Variants in TBC1D9B observed in about 807,000 individuals in gnomAD.
TBC1D9B encodes TBC1 domain family, member 9B (with GRAM domain).
In TBC1D9B, 87 loss-of-function variants were observed where a neutral mutation model predicts 121.1. The ratio of observed to expected loss-of-function variants is 0.72; its 90% CI spans 0.60 to 0.86. The LOEUF (loss-of-function observed/expected upper bound fraction) is 0.86. TBC1D9B is among the 40% of genes least tolerant of loss of function. The probability of loss-of-function intolerance (pLI) is 0.00; values close to 1 mark genes in which losing one functional copy is unlikely to be tolerated. For missense variants in TBC1D9B, 1,540 were observed against 1,628.6 expected (o/e 0.95, Z 0.94); for synonymous variants, 668 against 670.1 (o/e 1.00, Z 0.05).
At chr5:179,867,652 A>C (rs1308315520) in intron 18 of TBC1D9B, 126 bp downstream of exon 18, 1 of 1,506,662 alleles carries the variant, frequency 6.6e-7, no homozygotes, top group Non-Finnish European at 9.1e-7. Flanking sequence ...TCCCCTGGGG[A>C]GAACCCCATG....
At chr5:179,881,612 G>A (rs1435310652) in intron 7 of TBC1D9B, among the ~76,000 whole-genome samples, 1 of 152,134 alleles carries the variant, frequency 6.6e-6, no homozygotes, top group Non-Finnish European at 1.5e-5. Context: ...AGCCCTCCCA[G>A]AAGTTACCTC....
At chr5:179,899,468 A>T (rs1384850392) in intron 2 of TBC1D9B, among the ~76,000 whole-genome samples, 161 bp from the exon 3 acceptor site, 2 of 152,228 alleles carry the variant, frequency 1.3e-5, no homozygotes, top group Admixed American at 1.3e-4. Context: ...ATATGTGCAT[A>T]ACAAAGTAAT....
chr5:179,904,797 G>A lies in TBC1D9B; in HGVS notation c.134C>T (p.Thr45Ile). Residue 45 changes from threonine (T) to isoleucine (I), a missense_variant, in exon 2 of 21, where the codon ACC becomes ATC. By Grantham distance (89) the Thr-to-Ile change is moderately conservative. Coordinates refer to ENST00000355235, the MANE Select transcript of TBC1D9B (RefSeq NM_015043.4). The surrounding 1 kb of genome is among the most constrained non-coding windows in gnomAD (Gnocchi z 4.2). ...ACTGGAGTCCAGCACCACGTCCAGG[G>A]TGCCCACGAGAAGACCTGGGAACAG... ...GGGLTGLLVGTLDVVLDSSAR... is the reference protein window; with the variant it reads ...GGGLTGLLVGILDVVLDSSAR... 6.4e-7 allele frequency: 1 copy of A among 1,564,230 alleles called. No homozygotes were observed. The highest frequency in any genetic ancestry group is 8.7e-7 in the Non-Finnish European group (1 of 1,154,284).
Position 179,891,418 on chromosome 5 carries a change from C to T in TBC1D9B, c.1005G>A (p.Lys335=), listed in dbSNP as rs1468664961. Residue 335 remains lysine (K), a synonymous_variant, in exon 6 of 21, where the codon AAG becomes AAA. Transcript: ENST00000355235. This position sits in a 1 kb window ranked among gnomAD's most constrained non-coding sequence, Gnocchi z 4.3. ...ISNNYICFAS[K]EEDACHLIIP... ...TGATGAGGTGGCAAGCGTCCTCCTCCTTGCTGGCGAAGCAGATGTAGTTGT... is the reference window on the plus strand; with the variant it reads ...TGATGAGGTGGCAAGCGTCCTCCTCTTTGCTGGCGAAGCAGATGTAGTTGT... 8 of 1,614,244 alleles carry T rather than the reference C, an allele frequency of 5.0e-6. No homozygotes were observed. Among genetic ancestry groups the T allele is most frequent in the Non-Finnish European group, 6.8e-6 (8 of 1,180,028 alleles).
intron 14 of TBC1D9B, 24 bp downstream of exon 14, chr5:179,872,868 G>T: frequency 9.4e-7 from 1 of 1,060,170 alleles, no homozygotes; most frequent in Non-Finnish European, 1.3e-6. Context: ...CCCAGCCCCT[G>T]CCCAGCCCTG....
chr5:179,879,013 G>A, intron 9 of TBC1D9B, 34 bp downstream of exon 9: 17 of 1,593,246 alleles, frequency 1.1e-5, no homozygotes, highest in Non-Finnish European at 1.4e-5. Flanking sequence ...CTGACTGGCT[G>A]AGCTGAGGCT....
chr5:179,873,364 G>A, intron 12 of TBC1D9B, 116 bp from the exon 13 acceptor site: 1 of 1,403,264 alleles, frequency 7.1e-7, no homozygotes, highest in South Asian at 1.5e-5. Flanking sequence ...TAAGGAGTGT[G>A]CAGAGGACTG....
chr5:179,863,990 G>A lies in TBC1D9B; in HGVS notation c.3160C>T (p.Arg1054Cys), dbSNP rs144624491. ...IGEVGKKFSA[R>C]TGRKPRDCAT... is the part of the protein sequence containing the mutation. Reference sequence around the variant, plus strand: ...CAGTCCCTGGGCTTCCTGCCTGTGCGGGCTGAGAACTTCTTCCCCACCTCT... The same window carrying A: ...CAGTCCCTGGGCTTCCTGCCTGTGCAGGCTGAGAACTTCTTCCCCACCTCT... Residue 1054 changes from arginine (R) to cysteine (C), a missense_variant, in exon 21 of 21, where the codon CGC becomes TGC. Transcript: ENST00000355235. This position sits in a 1 kb window ranked among gnomAD's most constrained non-coding sequence, Gnocchi z 4.5. The A allele has an allele frequency of 2.4e-5, 38 of 1,613,744 alleles. No homozygotes were observed. Among genetic ancestry groups the A allele is most frequent in the Admixed American group, 3.3e-5 (2 of 60,000 alleles).
In TBC1D9B at chr5:179,879,724, G is replaced by A. The variant is rs202142715; in HGVS notation, c.1320C>T (p.Arg440=). 70 of 1,614,166 alleles carry A rather than the reference G, an allele frequency of 4.3e-5. No individual in the cohort carries two copies. In the East Asian group the frequency reaches 1.6e-3, roughly 36 times the overall value. The change falls in exon 8 of 21, where the codon CGC becomes CGT. Residue 440 remains arginine (R), a synonymous_variant. Coordinates refer to ENST00000355235, the MANE Select transcript of TBC1D9B (RefSeq NM_015043.4). ...GCGCCTCCTGCGCACAGAAGCTCTG[G>A]CGGCTGCTGAGGGGAGAGGCTGGGC... is the stretch of plus-strand genomic sequence containing the variant. ...PASPASPLSS[R]QSFCAQEAPT...
At position 179,887,989 on chromosome 5, in the gene TBC1D9B, T is replaced by C. The variant is rs1459439266; in HGVS notation, c.1254+114A>G. 3.0e-6 allele frequency: 4 copies of C among 1,333,662 alleles called. No individual in the cohort carries two copies. In the African/African-American group the frequency reaches 5.8e-5, roughly 19 times the overall value. The allele number at this position is 1,333,662 out of a possible 1,614,324, so 82.6% of individuals were successfully genotyped here. ...TTGCCAGCTCTGACACATCCACCCC[T>C]AGGCGGAGGCCCACAGCCGGAACCA... On this transcript the variant is annotated intron_variant, in intron 7 of 20. Transcript: ENST00000355235.
Position 179,863,345 on chromosome 5 carries a change from AG to A in TBC1D9B, c.*102del. On this transcript the variant is annotated 3_prime_UTR_variant, in exon 21 of 21. Coordinates refer to ENST00000355235, the MANE Select transcript of TBC1D9B (RefSeq NM_015043.4). The surrounding 1 kb of genome is among the most constrained non-coding windows in gnomAD (Gnocchi z 4.5). Reference sequence around the variant, plus strand: ...AACTCACTGCTCCTGGGAGAGCAGGAGGGGCACACCTTTAAAGAGAAACTGA... The same window carrying A: ...AACTCACTGCTCCTGGGAGAGCAGGAGGGCACACCTTTAAAGAGAAACTGA... 7.5e-7 allele frequency: 1 copy of A among 1,329,152 alleles called. No individual in the cohort carries two copies. Among genetic ancestry groups the A allele is most frequent in the Non-Finnish European group, 1.0e-6 (1 of 971,186 alleles). 82.3% of individuals were successfully genotyped at this position (1,329,152 alleles called of 1,614,324 possible).
chr5:179,882,426 T>C (rs1281458173), intron 7 of TBC1D9B, among the ~76,000 whole-genome samples: 3 of 152,122 alleles, frequency 2.0e-5, no homozygotes, highest in Admixed American at 6.5e-5. Flanking sequence ...TTATCTGGAG[T>C]CTGTTCTCCA....
Position 179,894,560 on chromosome 5 carries a change from C to T in TBC1D9B, c.403G>A (p.Gly135Arg), listed in dbSNP as rs898192019. 4.3e-6 allele frequency: 7 copies of T among 1,614,230 alleles called. No homozygotes were observed. Among genetic ancestry groups the T allele is most frequent in the South Asian group, 1.1e-5 (1 of 91,088 alleles). The change falls in exon 4 of 21, where the codon GGG (glycine) becomes AGG (arginine). Residue 135 changes from glycine to arginine, a missense_variant. Coordinates refer to ENST00000355235, the MANE Select transcript of TBC1D9B (RefSeq NM_015043.4). ...NLQPQGDEDP[G>R]KFKEAELKMR... is the part of the protein sequence containing the mutation. ...TTCAGCTCAGCCTCCTTGAACTTCC[C>T]GGGGTCCTCGTCTCCCTGGGGCTGC...
intron 7 of TBC1D9B, among the ~76,000 whole-genome samples, chr5:179,880,517 G>A (rs1221753652): frequency 6.6e-6 from 1 of 152,076 alleles, no homozygotes; most frequent in South Asian, 2.1e-4. Flanking sequence ...CCGTGGCCAC[G>A]GTCCCACTCC....
intron 5 of TBC1D9B, among the ~76,000 whole-genome samples, chr5:179,892,968 TAA>T (rs753439614): frequency 7.2e-5 from 11 of 152,326 alleles, no homozygotes; most frequent in Non-Finnish European, 1.6e-4. Context: ...CCAAGAGGAA[TAA>T]AGTGTGAAGA....
chr5:179,884,746 G>A (rs1292238729), intron 7 of TBC1D9B, among the ~76,000 whole-genome samples: 1 of 152,198 alleles, frequency 6.6e-6, no homozygotes. Context: ...AATGAAATAA[G>A]CCAGGCACAA....
chr5:179,881,918 A>G (rs938258472), intron 7 of TBC1D9B, among the ~76,000 whole-genome samples: 3 of 142,194 alleles, frequency 2.1e-5, no homozygotes, highest in African/African-American at 8.3e-5. Context: ...AGCTTATTCT[A>G]TTTTCCATAT....
In TBC1D9B at chr5:179,894,569, C is replaced by T. The variant is rs373358242; in HGVS notation, c.394G>A (p.Glu132Lys). ...GCCTCCTTGAACTTCCCGGGGTCCTCGTCTCCCTGGGGCTGCAGGTTCTTG... is the reference window on the plus strand; with the variant it reads ...GCCTCCTTGAACTTCCCGGGGTCCTTGTCTCCCTGGGGCTGCAGGTTCTTG... ...ENKNLQPQGDEDPGKFKEAEL... is the reference protein window; with the variant it reads ...ENKNLQPQGDKDPGKFKEAEL... Residue 132 changes from glutamate to lysine, a missense_variant, in exon 4 of 21, where the codon GAG becomes AAG. Glu to Lys is a moderately conservative substitution (Grantham distance 56). Coordinates refer to ENST00000355235, the MANE Select transcript of TBC1D9B (RefSeq NM_015043.4). The T allele has an allele frequency of 5.9e-5, 96 of 1,614,108 alleles. No homozygotes were observed. The Admixed American group carries it at 9.5e-4, about 16-fold the overall frequency.
At position 179,874,891 on chromosome 5, in the gene TBC1D9B, C is replaced by A. The variant is rs777748268; in HGVS notation, c.2186+11G>T. ...TGAGCCCCCAGCAGGAGAAGGAACC[C>A]GGCATGTCACCTGCCCAGCATGGTC... On this transcript the variant is annotated intron_variant, in intron 12 of 20. Transcript: ENST00000355235. This position sits in a 1 kb window ranked among gnomAD's most constrained non-coding sequence, Gnocchi z 4.3. 2 of 1,610,928 alleles carry A rather than the reference C, an allele frequency of 1.2e-6. No homozygotes were observed. Among genetic ancestry groups the A allele is most frequent in the Non-Finnish European group, 1.7e-6 (2 of 1,178,916 alleles).
Sources: gnomAD v4.1 joint callset for allele counts (sites outside exome capture counted in the v4.1 genomes callset) on GRCh38, gnomAD v4.1.1 for gene constraint, Gnocchi (gnomAD v3.1) non-coding constraint, MANE v1.5 for transcripts, NCBI Gene and HGNC (gene_info 2026-07-23, HGNC 2026-07-21) for gene names.